Variants in HOMER2 observed in about 807,000 individuals in gnomAD.
The protein encoded by HOMER2 is homer protein homolog 2.
Under a neutral mutation model 47.0 loss-of-function variants are expected in HOMER2, and 27 were observed. The observed-to-expected ratio is 0.57, with a 90% CI of 0.42 to 0.79. The LOEUF (loss-of-function observed/expected upper bound fraction) is 0.79. Among genes scored for constraint, HOMER2 ranks in the 30% least tolerant of loss-of-function variants. HOMER2 has a pLI of 0.00. For missense variants in HOMER2, 443 were observed against 435.0 expected (o/e 1.02, Z -0.16); for synonymous variants, 161 against 163.8 (o/e 0.98, Z 0.13).
At chr15:82,948,576 AG>A (rs1403750431) in intron 1 of HOMER2, among the ~76,000 whole-genome samples, 1 of 152,174 alleles carries the variant, frequency 6.6e-6, no homozygotes, top group Non-Finnish European at 1.5e-5. Context: ...AAAAGAAAAA[AG>A]AAAAGGGGCT....
At chr15:82,985,779 C>G (rs914069124) in intron 1 of HOMER2, 14 of 152,318 alleles carry the variant, frequency 9.2e-5, no homozygotes, top group African/African-American at 3.4e-4. Context: ...CTACGGAAAT[C>G]TTACTACCGA....
intron 2 of HOMER2, among the ~76,000 whole-genome samples, chr15:82,882,578 C>G: frequency 6.6e-6 from 1 of 152,218 alleles, no homozygotes; most frequent in East Asian, 1.9e-4. Context: ...AAGGAAATGT[C>G]TTCGTGTTTT....
chr15:82,952,787 C>T (rs1434037372), upstream of HOMER2: 3 of 854,622 alleles, frequency 3.5e-6, no homozygotes, highest in Admixed American at 6.3e-5. Flanking sequence ...CCGCTACCCC[C>T]GCCCGGCTCC....
At chr15:82,845,451 AC>A (rs1386930373), downstream of HOMER2, 1 of 151,768 alleles carries the variant, frequency 6.6e-6, no homozygotes, top group Non-Finnish European at 1.5e-5. Flanking sequence ...CCATGCCAAA[AC>A]CCCCATCATC....
chr15:82,907,589 CAG>C (rs2053326006), intron 1 of HOMER2, among the ~76,000 whole-genome samples: 2 of 152,100 alleles, frequency 1.3e-5, no homozygotes, highest in Non-Finnish European at 2.9e-5. Flanking sequence ...AGCAGAAAAT[CAG>C]TACATAGTTG....
chr15:82,850,588 GA>G (rs2151596846), intron 8 of HOMER2, among the ~76,000 whole-genome samples: 1 of 152,342 alleles, frequency 6.6e-6, no homozygotes, highest in African/African-American at 2.4e-5. Flanking sequence ...GCTTTATGTT[GA>G]GGGAATAAAC....
At chr15:82,941,746 C>T (rs939487203) in intron 1 of HOMER2, among the ~76,000 whole-genome samples, 1 of 152,068 alleles carries the variant, frequency 6.6e-6, no homozygotes. Context: ...CTATACCTTC[C>T]CAAGCCTTTC....
At chr15:82,935,919 C>T (rs531570246) in intron 1 of HOMER2, among the ~76,000 whole-genome samples, 1 of 152,300 alleles carries the variant, frequency 6.6e-6, no homozygotes, top group Non-Finnish European at 1.5e-5. Context: ...GAAGTGTGCT[C>T]TTCTTAAATC....
intron 1 of HOMER2, among the ~76,000 whole-genome samples, chr15:82,922,000 G>A (rs1408499820): frequency 6.6e-6 from 1 of 152,156 alleles, no homozygotes; most frequent in Non-Finnish European, 1.5e-5. Context: ...CCTCCATCTT[G>A]AACATTAAGT....
At chr15:82,840,046 AAAAT>A (rs565785700) in exon 2 of HOMER2, 46 of 152,316 alleles carry the variant, frequency 3.0e-4, no homozygotes, top group African/African-American at 1.1e-3. Flanking sequence ...ACTCCAGTAA[AAAAT>A]AAAGTCAAAT....
rs778624095 is a variant in HOMER2 at position 82,880,307 on chromosome 15, T to A, written c.163-4903A>T. Among the ~76,000 whole-genome samples, 56 of 152,198 alleles carry A rather than the reference T, an allele frequency of 3.7e-4. 1 individual carries two copies. Among genetic ancestry groups the A allele is most frequent in the Non-Finnish European group, 4.8e-4 (33 of 68,042 alleles). On this transcript the variant is annotated intron_variant, in intron 2 of 8. Transcript: ENST00000450735. ...TACTCTCTGACCCTTAGAGAAAAAG[T>A]TTGCCAACTTCTGGTTTAGCGATAT...
chr15:82,954,056 A>G (rs1037547842), upstream of HOMER2, among the ~76,000 whole-genome samples: 1 of 152,128 alleles, frequency 6.6e-6, no homozygotes, highest in Non-Finnish European at 1.5e-5. Flanking sequence ...TAGCCTGGTG[A>G]AAAGAGCCAG....
At chr15:82,856,274 G>C (rs756634564) in intron 5 of HOMER2, among the ~76,000 whole-genome samples, 1 of 152,064 alleles carries the variant, frequency 6.6e-6, no homozygotes, top group African/African-American at 2.4e-5. Context: ...ATTTTTAGGG[G>C]TGAAACATTT....
At chr15:82,893,910 C>T (rs939296051) in intron 1 of HOMER2, among the ~76,000 whole-genome samples, 2 of 152,156 alleles carry the variant, frequency 1.3e-5, no homozygotes, top group South Asian at 4.1e-4. Flanking sequence ...ATAATCCCAG[C>T]ATGAGCCATT....
intron 2 of HOMER2, among the ~76,000 whole-genome samples, chr15:82,877,058 C>T (rs901613580): frequency 6.6e-6 from 1 of 152,216 alleles, no homozygotes; most frequent in African/African-American, 2.4e-5. Context: ...TTGTTGAACA[C>T]TTATTGAGTG....
intron 1 of HOMER2, among the ~76,000 whole-genome samples, chr15:82,934,364 C>T (rs140850613): frequency 2.1e-4 from 32 of 152,240 alleles, no homozygotes; most frequent in Non-Finnish European, 4.6e-4. Flanking sequence ...GGACTCAGTT[C>T]CTCAGCCTCT....
chr15:82,862,753 A>G lies in HOMER2; in HGVS notation c.387+1414T>C, dbSNP rs2051833847. Reference sequence around the variant, plus strand: ...CATTTCCATAGGTCCATGTGGGCATATTTTATATGATGAGGCCAGAACAAG... The same window carrying G: ...CATTTCCATAGGTCCATGTGGGCATGTTTTATATGATGAGGCCAGAACAAG... On this transcript the variant is annotated intron_variant, in intron 4 of 8. Transcript: ENST00000450735. Among the ~76,000 whole-genome samples, 3 of 152,234 alleles carry G rather than the reference A, an allele frequency of 2.0e-5. 1 individual carries two copies. The South Asian group carries it at 6.2e-4, about 32-fold the overall frequency.
intron 3 of HOMER2, among the ~76,000 whole-genome samples, chr15:82,868,541 A>ATATATATATATATT: frequency 1.8e-4 from 13 of 71,250 alleles, no homozygotes; most frequent in East Asian, 6.1e-4. Flanking sequence ...ATATATATAT[A>ATATATATATATATT]TTTTTTTTTT....
chr15:82,869,737 C>T (rs1364284436), intron 3 of HOMER2, among the ~76,000 whole-genome samples: 1 of 152,186 alleles, frequency 6.6e-6, no homozygotes, highest in African/African-American at 2.4e-5. Flanking sequence ...CGATTACAGG[C>T]ATGAGCCATC....
Sources: gnomAD v4.1 joint callset for allele counts (sites outside exome capture counted in the v4.1 genomes callset) on GRCh38, gnomAD v4.1.1 for gene constraint, MANE v1.5 for transcripts, NCBI Gene and HGNC (gene_info 2026-07-23, HGNC 2026-07-21) for gene names.